DEPDC4: variants seen among roughly 807,000 people sequenced by gnomAD.
DEPDC4 encodes DEP domain containing 4.
A neutral mutation model predicts 52.0 loss-of-function variants in DEPDC4; 52 were observed. That is an observed-to-expected ratio of 1.00 (90% confidence interval 0.80 to 1.26). The LOEUF (loss-of-function observed/expected upper bound fraction) is 1.26. Among genes scored for constraint, DEPDC4 ranks in the 50% most tolerant of loss-of-function variants. The probability of loss-of-function intolerance (pLI) is 0.00; values close to 1 mark genes in which losing one functional copy is unlikely to be tolerated. For missense variants in DEPDC4, 530 were observed against 546.9 expected (o/e 0.97, Z 0.31); for synonymous variants, 201 against 196.8 (o/e 1.02, Z -0.18).
downstream of DEPDC4, among the ~76,000 whole-genome samples, chr12:100,239,695 A>AT (rs902478815): frequency 2.0e-5 from 3 of 151,726 alleles, no homozygotes; most frequent in African/African-American, 7.3e-5. Context: ...TTAGCTGAGA[A>AT]TTTTTTTTCC....
chr12:100,241,873 A>C (rs2096160702), intron 9 of DEPDC4, 28 bp from the exon 10 acceptor site: 11 of 1,189,842 alleles, frequency 9.2e-6, no homozygotes, highest in Non-Finnish European at 2.1e-6. Context: ...AAACAAAAGA[A>C]AAAGAAAAGT....
At chr12:100,249,392 T>C (rs1230167068) in intron 7 of DEPDC4, among the ~76,000 whole-genome samples, 1 of 152,184 alleles carries the variant, frequency 6.6e-6, no homozygotes, top group Non-Finnish European at 1.5e-5. Context: ...CTCACACCTG[T>C]AATCCCAGTA....
intron 8 of DEPDC4, among the ~76,000 whole-genome samples, chr12:100,244,918 CT>C (rs1388256486): frequency 6.6e-6 from 1 of 151,820 alleles, no homozygotes; most frequent in African/African-American, 2.4e-5. Context: ...GTTGCCCAGA[CT>C]GGAGTGCAGT....
At chr12:100,280,485 A>G in the DEPDC4 span, among the ~76,000 whole-genome samples, 1 of 152,214 alleles carries the variant, frequency 6.6e-6, no homozygotes, top group Non-Finnish European at 1.5e-5. Flanking sequence ...AAAAGTCTTC[A>G]TGTAACCCTA....
chr12:100,248,786 A>C (rs1175703362), intron 8 of DEPDC4, 114 bp downstream of exon 8: 1 of 344,322 alleles, frequency 2.9e-6, no homozygotes, highest in Non-Finnish European at 4.1e-6. Context: ...TCCTGTAACC[A>C]CTTTTTACAA....
chr12:100,247,101 G>C (rs1333383877), intron 8 of DEPDC4, among the ~76,000 whole-genome samples: 1 of 150,720 alleles, frequency 6.6e-6, no homozygotes, highest in Non-Finnish European at 1.5e-5. Context: ...AAATAGGTAA[G>C]CTATTTAAGG....
chr12:100,235,766 G>A (rs2096140455), downstream of DEPDC4, among the ~76,000 whole-genome samples: 1 of 152,066 alleles, frequency 6.6e-6, no homozygotes, highest in African/African-American at 2.4e-5. Flanking sequence ...GTAGAGACGG[G>A]TTTCACCATG....
At chr12:100,234,537 G>A (rs976641427) in intron 9 of DEPDC4, among the ~76,000 whole-genome samples, 6 of 152,152 alleles carry the variant, frequency 3.9e-5, no homozygotes, top group African/African-American at 1.4e-4. Flanking sequence ...GACACAGCAG[G>A]GTTCTTTGCT....
In DEPDC4 at chr12:100,267,014, A is replaced by G; in HGVS notation, c.63T>C (p.Arg21=). Residue 21 remains arginine, a synonymous_variant, in exon 1 of 10, where the codon CGT becomes CGC. Coordinates refer to ENST00000550587, the MANE Select transcript of DEPDC4 (RefSeq NM_001364818.2). The part of the protein sequence containing the change: ...LMAVLLTPRF[R]RLVSQNELPG... ...GAAGCTCGTTCTGACTGACAAGTCT[A>G]CGGAACCTCGGAGTCAAAAGAACCG... 2 of 1,614,058 alleles carry G rather than the reference A, an allele frequency of 1.2e-6. No homozygotes were observed. Among genetic ancestry groups the G allele is most frequent in the South Asian group, 1.1e-5 (1 of 91,048 alleles).
intron 4 of DEPDC4, among the ~76,000 whole-genome samples, chr12:100,255,441 CTTCTT>C (rs887330726): frequency 1.3e-5 from 2 of 152,200 alleles, no homozygotes; most frequent in African/African-American, 4.8e-5. Flanking sequence ...GGTGTCTCAT[CTTCTT>C]TTCTTGTTTG....
chr12:100,267,230 C>G, upstream of DEPDC4: 1 of 788,042 alleles, frequency 1.3e-6, no homozygotes, highest in African/African-American at 1.7e-5. Flanking sequence ...CTCCCCACCC[C>G]TTTCCTTCTA....
At chr12:100,253,172 C>G (rs1373015487) in intron 5 of DEPDC4, among the ~76,000 whole-genome samples, 2 of 152,184 alleles carry the variant, frequency 1.3e-5, no homozygotes, top group Non-Finnish European at 2.9e-5. Flanking sequence ...CCCGCCTTGG[C>G]CTCCCAAAGT....
At position 100,241,862 on chromosome 12, in the gene DEPDC4, A is replaced by G. The variant is rs545615213; in HGVS notation, c.*47-17T>C. On this transcript the variant is annotated splice_polypyrimidine_tract_variant and intron_variant, in intron 9 of 9. Coordinates refer to ENST00000550587, the MANE Select transcript of DEPDC4 (RefSeq NM_001364818.2). Reference sequence around the variant, plus strand: ...ACGTAAAGCCTGGAAAAAAAAAAAAAAAACAAAAGAAAAAGAAAAGTACCA... The same window carrying G: ...ACGTAAAGCCTGGAAAAAAAAAAAAGAAACAAAAGAAAAAGAAAAGTACCA... The G allele has an allele frequency of 4.5e-5, 54 of 1,198,144 alleles. No individual in the cohort carries two copies. The East Asian group carries it at 2.8e-3, about 63-fold the overall frequency. 74.2% of individuals were successfully genotyped at this position (1,198,144 alleles called of 1,614,324 possible).
At chr12:100,251,888 T>C (rs2096209646) in intron 7 of DEPDC4, among the ~76,000 whole-genome samples, 1 of 151,410 alleles carries the variant, frequency 6.6e-6, no homozygotes, top group Non-Finnish European at 1.5e-5. Context: ...TCTGTATAGA[T>C]GGGGTTTTGC....
chr12:100,280,595 A>G, the DEPDC4 span, among the ~76,000 whole-genome samples: 2 of 152,324 alleles, frequency 1.3e-5, no homozygotes, highest in East Asian at 1.9e-4. Context: ...TTAATTTACC[A>G]AAGGAGAAAA....
At chr12:100,276,616 G>A in the DEPDC4 span, among the ~76,000 whole-genome samples, 2 of 152,148 alleles carry the variant, frequency 1.3e-5, no homozygotes. Flanking sequence ...GGGATTACAA[G>A]CATGAGTCAT....
intron 7 of DEPDC4, among the ~76,000 whole-genome samples, chr12:100,251,715 G>A (rs569953202): frequency 3.3e-5 from 5 of 152,012 alleles, no homozygotes; most frequent in East Asian, 1.9e-4. Context: ...TTACAGGCAC[G>A]CGCCACCACA....
intron 9 of DEPDC4, among the ~76,000 whole-genome samples, chr12:100,232,545 C>T (rs2096136246): frequency 6.6e-6 from 1 of 152,140 alleles, no homozygotes; most frequent in African/African-American, 2.4e-5. Context: ...GTAACAAGCA[C>T]TCCAGGTGAT....
upstream of DEPDC4, among the ~76,000 whole-genome samples, chr12:100,268,097 T>G (rs2096281615): frequency 6.6e-6 from 1 of 152,128 alleles, no homozygotes; most frequent in Non-Finnish European, 1.5e-5. Context: ...TATTATCAAA[T>G]CCACCCTCTA....
Sources: allele counts gnomAD v4.1 joint callset (sites outside exome capture counted in the v4.1 genomes callset), GRCh38; gene constraint gnomAD v4.1.1; transcripts MANE v1.5; gene names NCBI Gene and HGNC (gene_info 2026-07-23, HGNC 2026-07-21).